The following ZC3H12B variants were observed in gnomAD, a reference collection of about 807,000 sequenced individuals.
ZC3H12B encodes probable ribonuclease ZC3H12B.
Under a neutral mutation model 43.9 loss-of-function variants are expected in ZC3H12B, and 7 were observed. That is an observed-to-expected ratio of 0.16 (90% CI 0.09 to 0.30). The LOEUF (loss-of-function observed/expected upper bound fraction) is 0.30, where lower values mean the gene tolerates loss of function less well. ZC3H12B is among the 10% of genes least tolerant of loss of function. The pLI is 1.00. For synonymous variants in ZC3H12B, 222 were observed against 241.7 expected, an observed-to-expected ratio of 0.92 and a Z score of 0.76; for missense variants, 475 against 670.2, an observed-to-expected ratio of 0.71 and a Z score of 3.22.
the ZC3H12B span, among the ~76,000 whole-genome samples, chrX:65,042,669 A>C: frequency 4.5e-5 from 5 of 112,331 alleles, no homozygotes; most frequent in Non-Finnish European, 9.4e-5. Context: ...TTTGTTTGTG[A>C]ACCACTGACC....
chrX:65,504,444 T>C (rs2068406566), exon 5 of ZC3H12B: 1 of 112,623 alleles, frequency 8.9e-6, no homozygotes, highest in Non-Finnish European at 1.9e-5. Flanking sequence ...CCAACATTTA[T>C]TAACAGTTCT....
the ZC3H12B span, among the ~76,000 whole-genome samples, chrX:65,348,463 A>G: frequency 9.6e-6 from 1 of 104,414 alleles, no homozygotes; most frequent in Non-Finnish European, 2.0e-5. Flanking sequence ...ACTAATGGGC[A>G]AAATAACCAG....
chrX:65,231,472 C>T, the ZC3H12B span, among the ~76,000 whole-genome samples: 5 of 110,794 alleles, frequency 4.5e-5, no homozygotes, highest in Admixed American at 9.6e-5. Flanking sequence ...GAGACCAGGG[C>T]GTATCTCAAT....
the ZC3H12B span, chrX:65,357,011 T>A: frequency 1.8e-6 from 1 of 541,253 alleles, no homozygotes; most frequent in South Asian, 2.4e-5. Flanking sequence ...TGGATGTTGT[T>A]ACCTGGACCT....
At chrX:65,110,820 G>A in the ZC3H12B span, among the ~76,000 whole-genome samples, 1 of 110,885 alleles carries the variant, frequency 9.0e-6, no homozygotes, top group East Asian at 2.8e-4. Context: ...TTTATTTAGG[G>A]AAAATTGACA....
At chrX:65,209,671 G>C in the ZC3H12B span, among the ~76,000 whole-genome samples, 1 of 110,315 alleles carries the variant, frequency 9.1e-6, no homozygotes, top group Admixed American at 9.8e-5. Flanking sequence ...TTGGGGTGGA[G>C]AGTTCGCTAC....
chrX:65,481,561 G>A (rs2068064247), intron 3 of ZC3H12B, among the ~76,000 whole-genome samples: 1 of 111,437 alleles, frequency 9.0e-6, no homozygotes, highest in Non-Finnish European at 1.9e-5. Flanking sequence ...AGCCTTCAAG[G>A]ATTACCAGCA....
chrX:65,072,180 G>C, the ZC3H12B span, among the ~76,000 whole-genome samples: 1 of 111,695 alleles, frequency 9.0e-6, no homozygotes, highest in African/African-American at 3.3e-5. Flanking sequence ...TTTTCTGACT[G>C]TCTTATTTCA....
chrX:65,047,852 T>C, the ZC3H12B span, among the ~76,000 whole-genome samples: 1 of 110,792 alleles, frequency 9.0e-6, no homozygotes, highest in Non-Finnish European at 1.9e-5. Flanking sequence ...ATCTTTTAAT[T>C]GGTATATTTA....
At chrX:65,166,984 G>T in the ZC3H12B span, among the ~76,000 whole-genome samples, 8 of 111,561 alleles carry the variant, frequency 7.2e-5, no homozygotes, top group African/African-American at 2.3e-4. Flanking sequence ...TTCTCCCATT[G>T]TATAGGTTGC....
the ZC3H12B span, among the ~76,000 whole-genome samples, chrX:65,233,562 A>G: frequency 9.0e-6 from 1 of 110,533 alleles, no homozygotes; most frequent in African/African-American, 3.3e-5. Context: ...TGAAAATTAA[A>G]ACAAAACATA....
At chrX:65,209,684 T>G in the ZC3H12B span, among the ~76,000 whole-genome samples, 1 of 110,312 alleles carries the variant, frequency 9.1e-6, no homozygotes, top group Admixed American at 9.8e-5. Context: ...TTCGCTACAG[T>G]AACCAAAACA....
At chrX:65,165,159 A>G in the ZC3H12B span, among the ~76,000 whole-genome samples, 1 of 112,340 alleles carries the variant, frequency 8.9e-6, no homozygotes, top group Admixed American at 9.5e-5. Context: ...CTCCTGAAAT[A>G]AATACTGTTA....
the ZC3H12B span, among the ~76,000 whole-genome samples, chrX:65,288,806 T>C: frequency 1.9e-4 from 21 of 111,563 alleles, no homozygotes; most frequent in Admixed American, 1.6e-3. Context: ...AGTCAAATTG[T>C]CTCTCTTGGC....
the ZC3H12B span, among the ~76,000 whole-genome samples, chrX:65,062,226 C>G: frequency 8.9e-6 from 1 of 111,912 alleles, no homozygotes; most frequent in African/African-American, 3.2e-5. Context: ...ATCCATGAAG[C>G]CTTTGCCCAT....
chrX:65,150,114 T>G, the ZC3H12B span, among the ~76,000 whole-genome samples: 1 of 110,911 alleles, frequency 9.0e-6, no homozygotes, highest in Non-Finnish European at 1.9e-5. Context: ...TCCTTTGAAT[T>G]TTAACTTTGT....
At chrX:65,214,665 AG>A in the ZC3H12B span, among the ~76,000 whole-genome samples, 1 of 111,089 alleles carries the variant, frequency 9.0e-6, no homozygotes, top group Non-Finnish European at 1.9e-5. Context: ...TCATCCATAA[AG>A]TTTGGAATAA....
chrX:65,068,655 A>G, the ZC3H12B span, among the ~76,000 whole-genome samples: 1 of 111,831 alleles, frequency 8.9e-6, no homozygotes, highest in African/African-American at 3.2e-5. Context: ...AGTAGTTTAC[A>G]TATCACTGTG....
intron 3 of ZC3H12B, among the ~76,000 whole-genome samples, chrX:65,400,325 C>G (rs1012864645): frequency 9.0e-6 from 1 of 110,821 alleles, no homozygotes; most frequent in African/African-American, 3.3e-5. Flanking sequence ...TTTTAGAAAT[C>G]AGAGAATTTT....
Sources: gnomAD v4.1 joint callset for allele counts (sites outside exome capture counted in the v4.1 genomes callset) on GRCh38, gnomAD v4.1.1 for gene constraint, MANE v1.5 for transcripts, NCBI Gene and HGNC (gene_info 2026-07-23, HGNC 2026-07-21) for gene names.